Variants in DNM3 observed in about 807,000 individuals in gnomAD.
DNM3 encodes the protein dynamin 3, also known as dynamin-3.
Under a neutral mutation model 101.6 loss-of-function variants are expected in DNM3, and 47 were observed. The ratio of observed to expected loss-of-function variants is 0.46; its 90% confidence interval spans 0.37 to 0.59. DNM3 has a LOEUF of 0.59. DNM3 is among the 20% of genes least tolerant of loss of function. DNM3 has a pLI of 0.00. For synonymous variants in DNM3, 385 were observed against 387.9 expected (o/e 0.99, Z 0.09); for missense variants, 849 against 1,085.7 (o/e 0.78, Z 3.06).
intron 4 of DNM3, among the ~76,000 whole-genome samples, chr1:172,005,255 G>A (rs536694865): frequency 6.6e-6 from 1 of 152,022 alleles, no homozygotes; most frequent in South Asian, 2.1e-4. Context: ...AAAGTACTTA[G>A]TACAGTGTCT....
chr1:172,191,928 G>C (rs1229496936), intron 14 of DNM3, among the ~76,000 whole-genome samples: 1 of 152,012 alleles, frequency 6.6e-6, no homozygotes, highest in African/African-American at 2.4e-5. Flanking sequence ...TGAGATGACG[G>C]GTTTTTCTAA....
chr1:172,041,512 G>T (rs1282626931), intron 7 of DNM3, among the ~76,000 whole-genome samples: 2 of 152,180 alleles, frequency 1.3e-5, no homozygotes, highest in Non-Finnish European at 2.9e-5. Flanking sequence ...ATAGGCTAAA[G>T]CGGAAGGTGT....
rs552753324 is a variant in DNM3, at chr1:172,154,723, C to T, written c.1659+23435C>T. The stretch of plus-strand genomic sequence containing the variant: ...AATGTGTTGAGTCTTCTAGTATTAG[C>T]TATCTCAGTGGAATGGATGAGTAAT... On this transcript the variant is annotated intron_variant, in intron 14 of 20. Transcript: ENST00000627582. Among the ~76,000 whole-genome samples the T allele has an allele frequency of 1.2e-4, 19 of 152,170 alleles. No homozygotes were observed. The South Asian group carries it at 3.9e-3, about 32-fold the overall frequency.
At chr1:172,103,534 A>G (rs114688939) in intron 13 of DNM3, among the ~76,000 whole-genome samples, 1,890 of 152,302 alleles carry the variant, frequency 0.012, 23 homozygotes, top group Middle Eastern at 0.031. Flanking sequence ...TTCCCTAAGG[A>G]TAGGTATTTC....
At chr1:172,356,971 C>T (rs1206089228) in intron 17 of DNM3, among the ~76,000 whole-genome samples, 1 of 151,762 alleles carries the variant, frequency 6.6e-6, no homozygotes, top group Admixed American at 6.6e-5. Flanking sequence ...CAGGAGGCTC[C>T]CAATGACTAA....
chr1:172,365,614 G>T (rs944117010), intron 17 of DNM3, among the ~76,000 whole-genome samples: 3 of 151,850 alleles, frequency 2.0e-5, no homozygotes, highest in South Asian at 2.1e-4. Context: ...ATAATAAAAT[G>T]AGGCAAAAAA....
chr1:171,910,089 A>C (rs1321777551), intron 1 of DNM3, among the ~76,000 whole-genome samples: 1 of 152,214 alleles, frequency 6.6e-6, no homozygotes, highest in African/African-American at 2.4e-5. Context: ...GAATAGTGAG[A>C]GCTCTTAGAG....
At chr1:172,311,418 A>C (rs2065074195) in intron 16 of DNM3, 1 of 151,986 alleles carries the variant, frequency 6.6e-6, no homozygotes, top group South Asian at 2.1e-4. Flanking sequence ...AACCTATTTC[A>C]AATGCACTAG....
At chr1:171,932,258 C>T (rs1190393173) in intron 2 of DNM3, among the ~76,000 whole-genome samples, 1 of 151,564 alleles carries the variant, frequency 6.6e-6, no homozygotes, top group Non-Finnish European at 1.5e-5. Context: ...CCTGCTGCCT[C>T]CACCTCCCAA....
intron 16 of DNM3, among the ~76,000 whole-genome samples, chr1:172,321,676 G>A (rs551580191): frequency 2.6e-5 from 4 of 152,124 alleles, no homozygotes; most frequent in Non-Finnish European, 4.4e-5. Context: ...ATCTGCCATC[G>A]AGTGGGGAAG....
At chr1:172,098,210 A>G (rs891345159) in intron 13 of DNM3, among the ~76,000 whole-genome samples, 1 of 152,138 alleles carries the variant, frequency 6.6e-6, no homozygotes, top group African/African-American at 2.4e-5. Context: ...TTTCATCTCT[A>G]CAGCTTCGAC....
At chr1:172,103,053 A>G (rs1044183050) in intron 13 of DNM3, among the ~76,000 whole-genome samples, 22 of 152,200 alleles carry the variant, frequency 1.4e-4, no homozygotes, top group Non-Finnish European at 2.5e-4. Flanking sequence ...TAAATATATG[A>G]ACACATTTTT....
rs1553244161 is a variant in DNM3 at position 172,359,125 on chromosome 1, A to AAACAC, written c.1894-19892_1894-19891insACACA. On this transcript the variant is annotated intron_variant, in intron 17 of 20. Transcript: ENST00000627582. The stretch of plus-strand genomic sequence containing the variant: ...ATGGGCATCTGAACAACTCCCACAA[A>AAACAC]ACACACACACACACACACACACACA... Among the ~76,000 whole-genome samples the AAACAC allele has an allele frequency of 8.9e-5, 13 of 145,818 alleles. No individual in the cohort carries two copies. The East Asian group carries it at 1.7e-3, about 19-fold the overall frequency.
chr1:172,076,870 G>T (rs1314926621), intron 11 of DNM3, among the ~76,000 whole-genome samples: 12 of 152,150 alleles, frequency 7.9e-5, no homozygotes, highest in Non-Finnish European at 2.9e-5. Context: ...CTATTGTTTG[G>T]AATAGTTTCA....
intron 4 of DNM3, among the ~76,000 whole-genome samples, chr1:171,996,057 A>C (rs2045975763): frequency 6.6e-6 from 1 of 152,158 alleles, no homozygotes; most frequent in African/African-American, 2.4e-5. Context: ...AACTTCTATA[A>C]AATAAGTATT....
intron 14 of DNM3, among the ~76,000 whole-genome samples, chr1:172,141,316 T>G (rs2057566538): frequency 6.6e-6 from 1 of 152,106 alleles, no homozygotes; most frequent in African/African-American, 2.4e-5. Context: ...AGTTTCTATC[T>G]TAACTCAGGA....
Position 172,343,066 on chromosome 1 carries a change from G to A in DNM3, c.1893+19726G>A, listed in dbSNP as rs80137597. Reference sequence around the variant, plus strand: ...GGAGCTAAGCCAGTAATTTGGGAAGGCTTTGAAGCCACATGTGCATGTATA... The same window carrying A: ...GGAGCTAAGCCAGTAATTTGGGAAGACTTTGAAGCCACATGTGCATGTATA... On this transcript the variant is annotated intron_variant, in intron 17 of 20. Coordinates refer to ENST00000627582, the MANE Select transcript of DNM3 (RefSeq NM_015569.5). Among the ~76,000 whole-genome samples the A allele has an allele frequency of 1.8e-3, 277 of 152,226 alleles. 3 individuals carry two copies. In the East Asian group the frequency reaches 0.042, roughly 23 times the overall value.
At chr1:171,907,931 CTTATAA>C (rs2038965896) in intron 1 of DNM3, among the ~76,000 whole-genome samples, 1 of 152,082 alleles carries the variant, frequency 6.6e-6, no homozygotes, top group Admixed American at 6.5e-5. Context: ...AAAACATATA[CTTATAA>C]GTAGAATAGT....
intron 9 of DNM3, among the ~76,000 whole-genome samples, chr1:172,045,031 C>T (rs552946851): frequency 6.7e-4 from 101 of 151,332 alleles, no homozygotes; most frequent in Admixed American, 4.6e-3. Flanking sequence ...AAGGGCTTTC[C>T]GGTGGAAGGG....
Sources: gnomAD v4.1 joint callset for allele counts (sites outside exome capture counted in the v4.1 genomes callset) on GRCh38, gnomAD v4.1.1 for gene constraint, MANE v1.5 for transcripts, NCBI Gene and HGNC (gene_info 2026-07-23, HGNC 2026-07-21) for gene names.